Variants in SAMD4A observed in about 807,000 individuals in gnomAD.
SAMD4A encodes the protein protein Smaug homolog 1.
SAMD4A carries 33 observed loss-of-function variants against 81.3 expected under a neutral mutation model. The ratio of observed to expected loss-of-function variants is 0.41; its 90% CI spans 0.31 to 0.54. The LOEUF is 0.54. SAMD4A is among the 20% of genes least tolerant of loss of function. The pLI, the probability that SAMD4A is intolerant of heterozygous loss-of-function variation, is 0.37. For missense variants in SAMD4A, 854 were observed against 951.1 expected (o/e 0.90, Z 1.34); for synonymous variants, 389 against 382.1 (o/e 1.02, Z -0.21).
chr14:54,628,435 A>G (rs1480799509), intron 2 of SAMD4A, among the ~76,000 whole-genome samples: 2 of 152,182 alleles, frequency 1.3e-5, no homozygotes, highest in African/African-American at 2.4e-5. Flanking sequence ...CTGCAGCAGT[A>G]TAACTCTGCA....
chr14:54,774,829 A>T (rs1217948807), intron 9 of SAMD4A, 105 bp from the exon 10 acceptor site: 3 of 1,045,852 alleles, frequency 2.9e-6, no homozygotes, highest in Non-Finnish European at 4.1e-6. Flanking sequence ...AAAAAAAAAA[A>T]AAAAAATGAG....
intron 2 of SAMD4A, chr14:54,688,220 G>T: frequency 2.0e-6 from 2 of 985,450 alleles, no homozygotes; most frequent in Non-Finnish European, 2.4e-6. Flanking sequence ...TCCTGTTACT[G>T]CATGTCTTGT....
intron 3 of SAMD4A, among the ~76,000 whole-genome samples, chr14:54,734,445 A>T (rs567202157): frequency 6.6e-6 from 1 of 152,354 alleles, no homozygotes; most frequent in African/African-American, 2.4e-5. Flanking sequence ...ATAGAAAGTC[A>T]TCAGGAAAAG....
At chr14:54,788,810 T>C (rs1388818812) in intron 12 of SAMD4A, 106 bp from the exon 13 acceptor site, 2 of 1,366,834 alleles carry the variant, frequency 1.5e-6, no homozygotes, top group Admixed American at 1.7e-5. Context: ...TGCCCTTCTC[T>C]GCCCTCAGAG....
At chr14:54,776,044 C>G (rs2038837760) in intron 10 of SAMD4A, among the ~76,000 whole-genome samples, 1 of 119,714 alleles carries the variant, frequency 8.4e-6, no homozygotes, top group Admixed American at 8.4e-5. Context: ...AAAAAAAAAT[C>G]AGAGCCCTGA....
intron 6 of SAMD4A, 63 bp from the exon 7 acceptor site, chr14:54,760,098 G>A: frequency 6.5e-7 from 1 of 1,536,806 alleles, no homozygotes; most frequent in Non-Finnish European, 8.9e-7. Context: ...GGGAGGGCAG[G>A]TACGGGGGTG....
At chr14:54,748,676 G>A (rs749681832) in intron 4 of SAMD4A, 139 bp from the exon 5 acceptor site, 52 of 618,392 alleles carry the variant, frequency 8.4e-5, no homozygotes, top group Non-Finnish European at 9.7e-5. Flanking sequence ...TAAATACATA[G>A]TAACATAAAG....
chr14:54,748,754 C>T (rs2038027660), intron 4 of SAMD4A, 61 bp from the exon 5 acceptor site: 6 of 1,158,210 alleles, frequency 5.2e-6, no homozygotes, highest in South Asian at 4.0e-5. Flanking sequence ...CTACATCTCT[C>T]GTCATCTCTT....
At chr14:54,736,909 A>G in intron 3 of SAMD4A, 115 bp from the exon 4 acceptor site, 2 of 1,210,536 alleles carry the variant, frequency 1.7e-6, no homozygotes, top group South Asian at 2.6e-5. Context: ...GTGACCATGG[A>G]TGGAGTTGTA....
chr14:54,624,762 C>T (rs543646771), intron 2 of SAMD4A, among the ~76,000 whole-genome samples: 1 of 150,994 alleles, frequency 6.6e-6, no homozygotes, highest in African/African-American at 2.4e-5. Context: ...TAAAGGGCAA[C>T]CTGGGGAGAA....
intron 3 of SAMD4A, among the ~76,000 whole-genome samples, chr14:54,723,600 C>T (rs1332396475): frequency 3.3e-5 from 5 of 152,202 alleles, no homozygotes; most frequent in Non-Finnish European, 7.3e-5. Flanking sequence ...ATTTTTACAT[C>T]CTTCAGCAAT....
intron 3 of SAMD4A, among the ~76,000 whole-genome samples, chr14:54,727,610 C>G (rs554824304): frequency 3.0e-4 from 46 of 152,274 alleles, no homozygotes; most frequent in African/African-American, 1.1e-3. Flanking sequence ...AAGAAAGCAG[C>G]GCTTCACTTT....
At chr14:54,630,831 T>C in intron 2 of SAMD4A, among the ~76,000 whole-genome samples, 3 of 152,226 alleles carry the variant, frequency 2.0e-5, no homozygotes, top group Middle Eastern at 6.8e-3. Flanking sequence ...GTATATTTTA[T>C]AATAAATATA....
At chr14:54,614,409 G>T (rs1349206986) in intron 2 of SAMD4A, among the ~76,000 whole-genome samples, 2 of 152,108 alleles carry the variant, frequency 1.3e-5, no homozygotes, top group Non-Finnish European at 2.9e-5. Flanking sequence ...TGGGTCTAAA[G>T]ACTAAAAAGT....
chr14:54,785,549 G>C (rs1350591099), intron 12 of SAMD4A, among the ~76,000 whole-genome samples: 1 of 152,098 alleles, frequency 6.6e-6, no homozygotes, highest in African/African-American at 2.4e-5. Context: ...TTAGCCAAAA[G>C]GCCGAGAAGC....
intron 2 of SAMD4A, among the ~76,000 whole-genome samples, chr14:54,598,664 T>C (rs989342377): frequency 5.3e-5 from 8 of 152,240 alleles, no homozygotes; most frequent in African/African-American, 1.9e-4. Flanking sequence ...TGTATTTTTC[T>C]GGTTTTAAAG....
At chr14:54,580,344 C>G (rs888508688) in intron 2 of SAMD4A, among the ~76,000 whole-genome samples, 2 of 152,212 alleles carry the variant, frequency 1.3e-5, no homozygotes, top group Admixed American at 1.3e-4. Context: ...TCCCCCACCC[C>G]TTTCTGTTTC....
intron 2 of SAMD4A, among the ~76,000 whole-genome samples, chr14:54,626,059 T>TGC (rs113491666): frequency 0.041 from 4,126 of 101,750 alleles, 120 homozygotes; most frequent in East Asian, 0.045. Flanking sequence ...TGTGTGTGTG[T>TGC]GCGCGCGCGC....
In SAMD4A at chr14:54,568,088, C is replaced by T. The variant is rs1292426448; in HGVS notation, c.172C>T (p.Leu58Phe). 1 of 1,564,080 alleles carries T rather than the reference C, an allele frequency of 6.4e-7. No individual in the cohort carries two copies. Among genetic ancestry groups the T allele is most frequent in the African/African-American group, 1.4e-5 (1 of 72,536 alleles). The change falls in exon 2 of 13, where the codon CTC becomes TTC. Residue 58 changes from leucine (L) to phenylalanine (F), a missense_variant. Around this residue, in one of 3 missense-constraint regions of SAMD4A, gnomAD observed 387 missense variants for 405.8 expected, o/e 0.95. Transcript: ENST00000554335. ...GGCCGACTGCGCCGAGCTGCACGTC[C>T]TCGAACGCGAGGCCAACAGCCCCGG... ...SLADCAELHV[L>F]EREANSPGII...
Sources: gnomAD v4.1 joint callset for allele counts (sites outside exome capture counted in the v4.1 genomes callset) on GRCh38, gnomAD v4.1.1 for gene constraint, gnomAD v4.1.1 regional missense constraint, MANE v1.5 for transcripts, NCBI Gene and HGNC (gene_info 2026-07-23, HGNC 2026-07-21) for gene names.